The following CHSY3 variants were observed in gnomAD, a reference collection of about 807,000 sequenced individuals.
CHSY3 encodes the protein chondroitin sulfate synthase 3.
CHSY3 carries 35 observed loss-of-function variants against 67.2 expected under a neutral mutation model. The ratio of observed to expected loss-of-function variants is 0.52; its 90% CI spans 0.40 to 0.69. The LOEUF (loss-of-function observed/expected upper bound fraction) is 0.69, where lower values mean the gene tolerates loss of function less well. Ranked by LOEUF, CHSY3 falls within the 30% of genes least tolerant of loss-of-function variation. CHSY3 has a pLI of 0.00. For missense variants in CHSY3, 1,069 were observed against 1,138.5 expected (o/e 0.94, Z 0.88); for synonymous variants, 474 against 434.7 (o/e 1.09, Z -1.12).
intron 2 of CHSY3, among the ~76,000 whole-genome samples, chr5:130,052,629 A>G (rs1221099859): frequency 1.3e-5 from 2 of 152,174 alleles, no homozygotes; most frequent in Non-Finnish European, 2.9e-5. Context: ...AAACAGAGAC[A>G]TCTGTCTAAT....
intron 2 of CHSY3, among the ~76,000 whole-genome samples, chr5:130,157,565 A>G (rs901202773): frequency 5.3e-5 from 8 of 152,166 alleles, no homozygotes; most frequent in African/African-American, 1.9e-4. Context: ...GTAGAGAAAA[A>G]TTTTCTATGG....
chr5:130,174,879 CAT>C (rs2149734429), intron 2 of CHSY3, among the ~76,000 whole-genome samples: 1 of 152,284 alleles, frequency 6.6e-6, no homozygotes, highest in African/African-American at 2.4e-5. Flanking sequence ...CCATCCATGG[CAT>C]CTGGCTCCAG....
chr5:130,140,276 T>A, intron 2 of CHSY3: 1 of 384,310 alleles, frequency 2.6e-6, no homozygotes, highest in Non-Finnish European at 4.6e-6. Context: ...GAGGATACTG[T>A]TGTCCAGTCT....
chr5:130,161,062 G>A (rs760193988), intron 2 of CHSY3, among the ~76,000 whole-genome samples: 5 of 151,480 alleles, frequency 3.3e-5, no homozygotes, highest in Admixed American at 1.3e-4. Context: ...CTACCACCAC[G>A]CCCATCTAAT....
chr5:130,007,449 G>T (rs138964195), intron 2 of CHSY3, among the ~76,000 whole-genome samples: 1 of 152,082 alleles, frequency 6.6e-6, no homozygotes, highest in Non-Finnish European at 1.5e-5. Context: ...TGGGTTGAAG[G>T]GGGAGGGAGC....
chr5:130,021,966 G>C (rs1764405602), intron 2 of CHSY3, among the ~76,000 whole-genome samples: 1 of 152,028 alleles, frequency 6.6e-6, no homozygotes, highest in African/African-American at 2.4e-5. Flanking sequence ...CAGATCCATG[G>C]AGTACAGGAC....
At chr5:129,950,459 A>G (rs532359582) in intron 2 of CHSY3, among the ~76,000 whole-genome samples, 1 of 152,150 alleles carries the variant, frequency 6.6e-6, no homozygotes, top group Non-Finnish European at 1.5e-5. Flanking sequence ...AGGCATCTAA[A>G]TAGGAAAGGA....
In CHSY3 at chr5:130,184,629, A is replaced by T. The variant is rs1196598474; in HGVS notation, c.1487A>T (p.Asp496Val). 1 of 1,606,476 alleles carries T rather than the reference A, an allele frequency of 6.2e-7. No homozygotes were observed. ...AGTAGCATTTTAAGAACAGCACTGG[A>T]TGATACCGTCCTACAGGTGATGGAG... ...SLSSILRTAL[D>V]DTVLQVMEMI... is the part of the protein sequence containing the mutation. Residue 496 changes from aspartate (D) to valine (V), a missense_variant, in exon 3 of 3, where the codon GAT becomes GTT. Around this residue, in one of 5 missense-constraint regions of CHSY3, gnomAD observed 401 missense variants for 395.2 expected, o/e 1.01. Coordinates refer to ENST00000305031, the MANE Select transcript of CHSY3 (RefSeq NM_175856.5).
chr5:129,922,736 T>C (rs575243190), intron 2 of CHSY3, among the ~76,000 whole-genome samples: 1 of 152,344 alleles, frequency 6.6e-6, no homozygotes, highest in South Asian at 2.1e-4. Flanking sequence ...TGGTTATCAA[T>C]CTCTTACTAG....
chr5:130,020,450 TATATATA>T (rs1764347334), intron 2 of CHSY3, among the ~76,000 whole-genome samples: 1 of 4,164 alleles, frequency 2.4e-4, no homozygotes, highest in African/African-American at 6.7e-4. Flanking sequence ...TATATATATA[TATATATA>T]TATATTTTTT....
intron 2 of CHSY3, among the ~76,000 whole-genome samples, chr5:130,087,304 A>G (rs1029375611): frequency 1.3e-4 from 20 of 152,232 alleles, no homozygotes; most frequent in African/African-American, 1.7e-4. Context: ...TTGAAAACTG[A>G]CACAAGACAG....
intron 2 of CHSY3, among the ~76,000 whole-genome samples, chr5:129,984,649 C>T (rs1004358956): frequency 6.6e-6 from 1 of 151,986 alleles, no homozygotes; most frequent in Non-Finnish European, 1.5e-5. Context: ...CAGAACTGTA[C>T]ATGTTCCCTT....
At chr5:130,039,212 T>C (rs1295598423) in intron 2 of CHSY3, among the ~76,000 whole-genome samples, 2 of 152,002 alleles carry the variant, frequency 1.3e-5, no homozygotes, top group Non-Finnish European at 2.9e-5. Context: ...ACAGGATAAT[T>C]TGGATTAAAA....
At chr5:130,006,534 G>A (rs1561493703) in intron 2 of CHSY3, among the ~76,000 whole-genome samples, 1 of 152,014 alleles carries the variant, frequency 6.6e-6, no homozygotes, top group African/African-American at 2.4e-5. Context: ...ATTTTGATTG[G>A]TGAAACTCAG....
At chr5:130,178,253 A>ATATATTTTTT (rs1205782386) in intron 2 of CHSY3, among the ~76,000 whole-genome samples, 11 of 45,912 alleles carry the variant, frequency 2.4e-4, no homozygotes, top group African/African-American at 2.0e-4. Context: ...ATATATATAT[A>ATATATTTTTT]TTTTTTTTTT....
At chr5:129,954,382 G>A (rs953616171) in intron 2 of CHSY3, among the ~76,000 whole-genome samples, 1 of 151,736 alleles carries the variant, frequency 6.6e-6, no homozygotes, top group Non-Finnish European at 1.5e-5. Context: ...GATTACTGTG[G>A]CCTTATAGTA....
intron 2 of CHSY3, among the ~76,000 whole-genome samples, chr5:130,005,864 A>G (rs1763860210): frequency 6.6e-6 from 1 of 152,208 alleles, no homozygotes; most frequent in Non-Finnish European, 1.5e-5. Flanking sequence ...TATATAATAC[A>G]TTAATTCATG....
At chr5:129,981,621 G>A (rs561885739) in intron 2 of CHSY3, among the ~76,000 whole-genome samples, 2 of 152,100 alleles carry the variant, frequency 1.3e-5, no homozygotes, top group African/African-American at 4.8e-5. Flanking sequence ...TGGGCTCAAG[G>A]AATCCTCCCA....
intron 2 of CHSY3, among the ~76,000 whole-genome samples, chr5:130,143,756 A>ATATATATATATGTG (rs1433405052): frequency 2.4e-4 from 24 of 101,910 alleles, no homozygotes; most frequent in African/African-American, 1.1e-3. Context: ...ATATATATAT[A>ATATATATATATGTG]TGTGTGTGTG....
Sources: gnomAD v4.1 joint callset for allele counts (sites outside exome capture counted in the v4.1 genomes callset) on GRCh38, gnomAD v4.1.1 for gene constraint, gnomAD v4.1.1 regional missense constraint, MANE v1.5 for transcripts, NCBI Gene and HGNC (gene_info 2026-07-23, HGNC 2026-07-21) for gene names.